Variants in CREBBP observed in about 807,000 individuals in gnomAD.
CREBBP encodes the protein CREB-binding protein.
A neutral mutation model predicts 265.0 loss-of-function variants in CREBBP; 19 were observed. That is an observed-to-expected ratio of 0.07 (90% CI 0.05 to 0.11). The LOEUF is 0.11. Ranked by LOEUF, CREBBP falls within the 10% of genes least tolerant of loss-of-function variation. The pLI is 1.00. For synonymous variants in CREBBP, 1,457 were observed against 1,223.7 expected (o/e 1.19, Z -3.98); for missense variants, 2,525 against 3,219.0 (o/e 0.78, Z 5.22).
chr16:3,745,992 G>C (rs1384797909), intron 21 of CREBBP, among the ~76,000 whole-genome samples: 1 of 152,164 alleles, frequency 6.6e-6, no homozygotes, highest in Non-Finnish European at 1.5e-5. Flanking sequence ...ACTGTTCTAC[G>C]GCAGCCCACA....
chr16:3,879,733 G>T, intron 1 of CREBBP, 99 bp downstream of exon 1: 7 of 1,307,446 alleles, frequency 5.4e-6, no homozygotes, highest in South Asian at 1.3e-5. Flanking sequence ...CCGAGCTCCC[G>T]GCTCGATCGG....
chr16:3,774,356 C>G lies in CREBBP; in HGVS notation c.2283+213G>C, dbSNP rs375700323. 5.9e-5 allele frequency among the ~76,000 whole-genome samples: 9 copies of G among 152,282 alleles called. No homozygotes were observed. In the East Asian group the frequency reaches 1.5e-3, roughly 26 times the overall value. ...CACATTCTCACAAAGCCACACATTC[C>G]TATGAATTTGTTATTCCAATAAAAT... On this transcript the variant is annotated intron_variant, in intron 12 of 30. Transcript: ENST00000262367.
chr16:3,869,781 A>G (rs1041036207), intron 1 of CREBBP, among the ~76,000 whole-genome samples: 1 of 152,150 alleles, frequency 6.6e-6, no homozygotes, highest in African/African-American at 2.4e-5. Context: ...GGCATCCCCA[A>G]ACAAGGAAAC....
intron 19 of CREBBP, 110 bp downstream of exon 19, chr16:3,757,178 A>C (rs1273051766): frequency 2.1e-6 from 2 of 967,300 alleles, no homozygotes; most frequent in Non-Finnish European, 3.2e-6. Flanking sequence ...CCGGCCTGAA[A>C]TTGGGCCACT....
At chr16:3,827,169 A>C (rs1044555588) in intron 2 of CREBBP, among the ~76,000 whole-genome samples, 25 of 151,966 alleles carry the variant, frequency 1.6e-4, no homozygotes, top group African/African-American at 5.8e-4. Flanking sequence ...CTCTAAAAAA[A>C]ATTTAAGTCT....
intron 23 of CREBBP, chr16:3,741,010 C>T (rs560388210): frequency 4.8e-4 from 131 of 274,880 alleles, no homozygotes; most frequent in African/African-American, 2.6e-3. Flanking sequence ...ACCAATTAAG[C>T]TCTGGCCAGA....
intron 1 of CREBBP, among the ~76,000 whole-genome samples, chr16:3,865,925 C>T (rs867185137): frequency 6.6e-6 from 1 of 152,114 alleles, no homozygotes; most frequent in Non-Finnish European, 1.5e-5. Context: ...GTGAGCCCAC[C>T]GCGCCCGGCC....
intron 21 of CREBBP, among the ~76,000 whole-genome samples, chr16:3,748,226 C>A (rs111446665): frequency 6.6e-6 from 1 of 151,078 alleles, no homozygotes; most frequent in African/African-American, 2.4e-5. Context: ...TGCAGTGAGC[C>A]GAGATCGCGC....
At chr16:3,812,062 A>C (rs1460401272) in intron 2 of CREBBP, among the ~76,000 whole-genome samples, 1 of 152,060 alleles carries the variant, frequency 6.6e-6, no homozygotes, top group Non-Finnish European at 1.5e-5. Context: ...AGGTGGCAGG[A>C]AAAGGGCATA....
intron 2 of CREBBP, among the ~76,000 whole-genome samples, chr16:3,825,795 T>C (rs1474840426): frequency 6.6e-6 from 1 of 152,194 alleles, no homozygotes; most frequent in Non-Finnish European, 1.5e-5. Context: ...TTCATTAAAA[T>C]GTCATTGTGT....
chr16:3,763,497 G>C (rs1451772780), intron 16 of CREBBP, among the ~76,000 whole-genome samples: 1 of 152,078 alleles, frequency 6.6e-6, no homozygotes, highest in African/African-American at 2.4e-5. Flanking sequence ...TTTCTCTCTT[G>C]TTGCCCAGGC....
rs1384035097 is a variant in CREBBP, at chr16:3,773,767, T to G, written c.2447A>C (p.Gln816Pro). 6.2e-7 allele frequency: 1 copy of G among 1,614,018 alleles called. No homozygotes were observed. Among genetic ancestry groups the G allele is most frequent in the Non-Finnish European group, 8.5e-7 (1 of 1,180,042 alleles). Residue 816 changes from glutamine to proline, a missense_variant, in exon 13 of 31, where the codon CAA (glutamine) becomes CCA (proline). This residue lies in a region of CREBBP where 548 missense variants were observed against 533.0 expected (regional missense o/e 1.03). Coordinates refer to ENST00000262367, the MANE Select transcript of CREBBP (RefSeq NM_004380.3). ...MSVGMGQPPAQTGVSQGQVPG... is the reference protein window; with the variant it reads ...MSVGMGQPPAPTGVSQGQVPG... The stretch of plus-strand genomic sequence containing the variant: ...GCACAGTACCTGTGACACGCCTGTT[T>G]GGGCTGGCGGCTGCCCCATGCCCAC...
At chr16:3,789,313 A>C (rs1567314646) in intron 5 of CREBBP, among the ~76,000 whole-genome samples, 1 of 152,106 alleles carries the variant, frequency 6.6e-6, no homozygotes, top group Non-Finnish European at 1.5e-5. Flanking sequence ...AGTCCAGTCA[A>C]ATGCATGCCC....
At chr16:3,771,046 C>G (rs149631043) in intron 13 of CREBBP, 60 bp from the exon 14 acceptor site, 1 of 1,590,460 alleles carries the variant, frequency 6.3e-7, no homozygotes, top group East Asian at 2.2e-5. Flanking sequence ...TGTGATGAAA[C>G]ATTTGAAAAA....
chr16:3,761,858 G>A (rs1445795073), intron 16 of CREBBP, among the ~76,000 whole-genome samples: 2 of 152,190 alleles, frequency 1.3e-5, no homozygotes, highest in Non-Finnish European at 2.9e-5. Context: ...CTTTTTATGA[G>A]AAAACAATTA....
At chr16:3,730,962 C>T (rs1342968123) in intron 30 of CREBBP, among the ~76,000 whole-genome samples, 1 of 152,224 alleles carries the variant, frequency 6.6e-6, no homozygotes, top group Non-Finnish European at 1.5e-5. Context: ...CCCAGCAGAG[C>T]CTCCCTCTGG....
intron 2 of CREBBP, among the ~76,000 whole-genome samples, chr16:3,839,233 G>A (rs1023609480): frequency 2.0e-5 from 3 of 152,164 alleles, no homozygotes; most frequent in Admixed American, 6.5e-5. Context: ...CAGAGCCCAC[G>A]CCAGGCTTGA....
At chr16:3,855,506 C>A (rs2054942449) in intron 1 of CREBBP, among the ~76,000 whole-genome samples, 1 of 152,180 alleles carries the variant, frequency 6.6e-6, no homozygotes, top group Non-Finnish European at 1.5e-5. Context: ...CTCAGGTGAT[C>A]CGCCCGCCTA....
At position 3,850,954 on chromosome 16, in the gene CREBBP, A is replaced by G; in HGVS notation, c.141T>C (p.Asn47=). 1.2e-6 allele frequency: 2 copies of G among 1,614,220 alleles called. No homozygotes were observed. The highest frequency in any genetic ancestry group is 1.7e-6 in the Non-Finnish European group (2 of 1,180,030). Residue 47 remains asparagine (N), a synonymous_variant, in exon 2 of 31, where the codon AAT becomes AAC. Coordinates refer to ENST00000262367, the MANE Select transcript of CREBBP (RefSeq NM_004380.3). ...ENDLPDELIP[N]GGELGLLNSG... ...TGTTTAAAAGGCCTAATTCTCCTCC[A>G]TTGGGTATCAGCTCATCAGGAAGAT...
Sources: allele counts gnomAD v4.1 joint callset (sites outside exome capture counted in the v4.1 genomes callset), GRCh38; gene constraint gnomAD v4.1.1; regional missense constraint gnomAD v4.1.1; transcripts MANE v1.5; gene names NCBI Gene and HGNC (gene_info 2026-07-23, HGNC 2026-07-21).